Variants in ATRX observed in about 807,000 individuals in gnomAD.
The protein encoded by ATRX is ATRX chromatin remodeler.
Under a neutral mutation model 172.6 loss-of-function variants are expected in ATRX, and 12 were observed. The ratio of observed to expected loss-of-function variants is 0.07; its 90% CI spans 0.04 to 0.11. ATRX has a LOEUF of 0.11. Among genes scored for constraint, ATRX ranks in the 10% least tolerant of loss-of-function variants. The pLI is 1.00. For missense variants in ATRX, 1,368 were observed against 1,767.4 expected, an observed-to-expected ratio of 0.77 and a Z score of 4.05; for synonymous variants, 674 against 594.7, an observed-to-expected ratio of 1.13 and a Z score of -1.94.
intron 22 of ATRX, among the ~76,000 whole-genome samples, chrX:77,603,258 T>C (rs1380926295): frequency 2.7e-5 from 3 of 111,697 alleles, no homozygotes; most frequent in Non-Finnish European, 5.6e-5. Flanking sequence ...TCCATATGAC[T>C]TTTAGGATTG....
chrX:77,708,111 C>T (rs1425405571), intron 2 of ATRX, among the ~76,000 whole-genome samples: 1 of 111,958 alleles, frequency 8.9e-6, no homozygotes, highest in African/African-American at 3.2e-5. Context: ...TATATGGCTA[C>T]ACACAAAAAA....
intron 12 of ATRX, 31 bp downstream of exon 12, chrX:77,663,351 G>A: frequency 8.3e-7 from 1 of 1,203,067 alleles, no homozygotes; most frequent in Non-Finnish European, 1.1e-6. Flanking sequence ...GGTCCAATAT[G>A]TTCTTTACAT....
At chrX:77,622,253 C>T (rs1264134090) in intron 19 of ATRX, among the ~76,000 whole-genome samples, 1 of 111,736 alleles carries the variant, frequency 8.9e-6, no homozygotes, top group Admixed American at 9.5e-5. Flanking sequence ...AAATTGAAAA[C>T]AACCTAAAAA....
intron 27 of ATRX, 145 bp downstream of exon 27, chrX:77,589,689 A>G (rs782492312): frequency 5.7e-5 from 26 of 452,683 alleles, no homozygotes; most frequent in Non-Finnish European, 8.1e-5. Flanking sequence ...ATATATGGAT[A>G]AGGACAAATA....
Position 77,568,062 on chromosome X carries a change from GA to G in ATRX, c.6326+6187del, listed in dbSNP as rs1326553796. Among the ~76,000 whole-genome samples the G allele has an allele frequency of 1.1e-4, 11 of 101,055 alleles. No homozygotes were observed. The East Asian group carries it at 2.5e-3, about 23-fold the overall frequency. The allele number at this position is 101,055 out of a possible 115,157, so 87.8% of individuals were successfully genotyped here. A position where few individuals can be genotyped will look rare whatever the true frequency, so the allele number is the denominator to read the frequency against. The stretch of plus-strand genomic sequence containing the variant: ...AACACTAAATGCTTACATGAGAAAA[GA>G]AAAAAAGTCTCAAATCAAATTAGTA... On this transcript the variant is annotated intron_variant, in intron 28 of 34. Transcript: ENST00000373344.
At chrX:77,671,196 A>ATATATATATATATATATATAT (rs2070592866) in intron 10 of ATRX, among the ~76,000 whole-genome samples, 1 of 88,197 alleles carries the variant, frequency 1.1e-5, no homozygotes, top group African/African-American at 4.1e-5. Flanking sequence ...ATATATATAT[A>ATATATATATATATATATATAT]AAACTAAGGC....
intron 6 of ATRX, among the ~76,000 whole-genome samples, chrX:77,689,551 G>A (rs1369530082): frequency 8.9e-6 from 1 of 112,034 alleles, no homozygotes; most frequent in African/African-American, 3.2e-5. Flanking sequence ...AGACAAACAA[G>A]ACATTGCAGG....
At chrX:77,638,071 A>G (rs1420091803) in intron 15 of ATRX, among the ~76,000 whole-genome samples, 2 of 111,843 alleles carry the variant, frequency 1.8e-5, no homozygotes, top group East Asian at 5.6e-4. Flanking sequence ...CTAGTTAACA[A>G]ATGAATTTGT....
chrX:77,603,812 C>T (rs141293372), intron 22 of ATRX, among the ~76,000 whole-genome samples: 115 of 111,538 alleles, frequency 1.0e-3, no homozygotes, highest in African/African-American at 3.7e-3. Context: ...GAATACAGAA[C>T]ACAGAAATAG....
At chrX:77,708,670 T>A (rs199922105) in intron 2 of ATRX, among the ~76,000 whole-genome samples, 2 of 103,740 alleles carry the variant, frequency 1.9e-5, no homozygotes, top group Non-Finnish European at 3.9e-5. Context: ...AAAAAAAAAA[T>A]AAAAATAAAA....
intron 27 of ATRX, among the ~76,000 whole-genome samples, chrX:77,584,009 TGAAA>T (rs2065920584): frequency 2.7e-5 from 3 of 111,288 alleles, no homozygotes; most frequent in Non-Finnish European, 5.7e-5. Flanking sequence ...GCAAACAACC[TGAAA>T]GAGAAATAAA....
At chrX:77,655,009 A>G (rs2069470575) in intron 13 of ATRX, among the ~76,000 whole-genome samples, 3 of 111,556 alleles carry the variant, frequency 2.7e-5, no homozygotes, top group African/African-American at 9.8e-5. Context: ...GCTGGAGCAC[A>G]TGATGCTAAG....
intron 15 of ATRX, among the ~76,000 whole-genome samples, chrX:77,644,089 G>A (rs888868231): frequency 4.5e-5 from 5 of 112,045 alleles, no homozygotes; most frequent in Non-Finnish European, 9.4e-5. Flanking sequence ...GCAGGCACGT[G>A]CCACCATGTC....
intron 1 of ATRX, among the ~76,000 whole-genome samples, chrX:77,774,011 T>C (rs1276855618): frequency 1.9e-5 from 2 of 107,805 alleles, no homozygotes; most frequent in African/African-American, 6.8e-5. Flanking sequence ...CCACCTGAGG[T>C]CAGGAGTTCA....
chrX:77,560,532 C>A (rs2064980676), intron 28 of ATRX, among the ~76,000 whole-genome samples: 1 of 110,548 alleles, frequency 9.0e-6, no homozygotes, highest in Non-Finnish European at 1.9e-5. Context: ...TACAGAGTGA[C>A]AAAAATCCCT....
chrX:77,746,330 A>G (rs1302631138), intron 1 of ATRX, among the ~76,000 whole-genome samples: 2 of 111,587 alleles, frequency 1.8e-5, no homozygotes, highest in African/African-American at 6.5e-5. Context: ...CAAAACATAA[A>G]TTCCTTTGAG....
chrX:77,729,193 C>G (rs1557174887), intron 1 of ATRX, among the ~76,000 whole-genome samples: 1 of 103,870 alleles, frequency 9.6e-6, no homozygotes, highest in East Asian at 3.0e-4. Context: ...AGGATGCATA[C>G]AAGTCATACA....
intron 10 of ATRX, chrX:77,674,188 AC>A (rs1192174285): frequency 1.8e-5 from 2 of 111,401 alleles, no homozygotes; most frequent in East Asian, 5.5e-4. Context: ...TAATTCTAAG[AC>A]TTAATCGTGA....
intron 1 of ATRX, among the ~76,000 whole-genome samples, chrX:77,749,503 A>G (rs2075221273): frequency 8.9e-6 from 1 of 111,979 alleles, no homozygotes; most frequent in Non-Finnish European, 1.9e-5. Flanking sequence ...AGGAAGCACA[A>G]AGAAACAAAT....
Sources: allele counts gnomAD v4.1 joint callset (sites outside exome capture counted in the v4.1 genomes callset), GRCh38; gene constraint gnomAD v4.1.1; transcripts MANE v1.5; gene names NCBI Gene and HGNC (gene_info 2026-07-23, HGNC 2026-07-21).